The following TSPAN9 variants were observed in gnomAD, a reference collection of about 807,000 sequenced individuals.
TSPAN9 encodes tetraspanin-9.
In TSPAN9, 16 loss-of-function variants were observed where a neutral mutation model predicts 31.0. The observed-to-expected ratio is 0.52, with a 90% confidence interval of 0.35 to 0.78. TSPAN9 has a LOEUF of 0.78. Ranked by LOEUF, TSPAN9 falls within the 30% of genes least tolerant of loss-of-function variation. TSPAN9 has a pLI of 0.01. For missense variants in TSPAN9, 272 were observed against 312.5 expected (o/e 0.87, Z 0.98); for synonymous variants, 145 against 121.6 (o/e 1.19, Z -1.27).
intron 2 of TSPAN9, among the ~76,000 whole-genome samples, chr12:3,085,774 G>GCTTCCAGTCCTGGGCCTGC (rs1388787552): frequency 1.3e-5 from 2 of 152,198 alleles, no homozygotes; most frequent in Non-Finnish European, 2.9e-5. Flanking sequence ...CTGGGTTTTG[G>GCTTCCAGTCCTGGGCCTGC]CTTCCAGTCC....
intron 3 of TSPAN9, among the ~76,000 whole-genome samples, chr12:3,226,149 G>GGAGATGGGGT (rs1180349941): frequency 1.3e-5 from 2 of 152,062 alleles, no homozygotes; most frequent in African/African-American, 4.8e-5. Context: ...TGCAGAGGGA[G>GGAGATGGGGT]GAGATGGGGT....
intron 2 of TSPAN9, among the ~76,000 whole-genome samples, chr12:3,164,676 C>G (rs963763934): frequency 2.0e-5 from 3 of 152,198 alleles, no homozygotes; most frequent in African/African-American, 7.2e-5. Context: ...CTGCAAAACC[C>G]TCCTCCTTTG....
At chr12:3,245,157 G>A (rs1275497882) in intron 3 of TSPAN9, among the ~76,000 whole-genome samples, 5 of 152,226 alleles carry the variant, frequency 3.3e-5, no homozygotes, top group African/African-American at 1.2e-4. Flanking sequence ...GCAGCGCCTG[G>A]TTCTGGAACT....
intron 2 of TSPAN9, among the ~76,000 whole-genome samples, chr12:3,169,444 T>C (rs1477441429): frequency 1.3e-5 from 2 of 152,218 alleles, no homozygotes; most frequent in African/African-American, 4.8e-5. Flanking sequence ...AAAAGTCCTT[T>C]ATCCCCTAGA....
intron 3 of TSPAN9, among the ~76,000 whole-genome samples, chr12:3,214,384 C>A (rs142993324): frequency 1.2e-3 from 185 of 152,302 alleles, no homozygotes; most frequent in African/African-American, 4.2e-3. Context: ...GAACTCACTG[C>A]CTGGACAAAG....
chr12:3,191,607 C>T (rs1467089697), intron 2 of TSPAN9, among the ~76,000 whole-genome samples: 2 of 152,104 alleles, frequency 1.3e-5, no homozygotes, highest in Non-Finnish European at 2.9e-5. Flanking sequence ...CCTGGAAAGC[C>T]CCGGAAGCCC....
intron 3 of TSPAN9, among the ~76,000 whole-genome samples, chr12:3,254,264 G>A (rs954389941): frequency 1.3e-5 from 2 of 152,212 alleles, no homozygotes; most frequent in African/African-American, 4.8e-5. Flanking sequence ...CAGGACTCCA[G>A]CTTCTTTTCT....
intron 2 of TSPAN9, among the ~76,000 whole-genome samples, chr12:3,109,798 CAA>C (rs147799673): frequency 3.5e-4 from 32 of 91,882 alleles, no homozygotes; most frequent in Non-Finnish European, 2.6e-4. Flanking sequence ...AACTCTGTCT[CAA>C]AAAAAAAAAA....
intron 3 of TSPAN9, among the ~76,000 whole-genome samples, chr12:3,225,108 C>T (rs1463405447): frequency 6.6e-6 from 1 of 152,198 alleles, no homozygotes; most frequent in Non-Finnish European, 1.5e-5. Context: ...AAGAATCAAT[C>T]ATCCTCGCAC....
intron 2 of TSPAN9, among the ~76,000 whole-genome samples, chr12:3,130,741 G>A (rs996126942): frequency 2.6e-5 from 4 of 152,194 alleles, no homozygotes; most frequent in African/African-American, 9.7e-5. Context: ...GCTTAGCAGA[G>A]TGTCTGGCAC....
Position 3,209,398 on chromosome 12 carries a change from C to A in TSPAN9, c.63+8142C>A, listed in dbSNP as rs541064377. Among the ~76,000 whole-genome samples the A allele has an allele frequency of 2.0e-5, 3 of 152,220 alleles. No homozygotes were observed. In the South Asian group the frequency reaches 6.2e-4, roughly 32 times the overall value. On this transcript the variant is annotated intron_variant, in intron 3 of 8. Transcript: ENST00000011898. ...CTGGTGATGAACATTTGGGTTATTT[C>A]CTCCTTTTTCTAAACAACACTTCTG...
intron 3 of TSPAN9, among the ~76,000 whole-genome samples, chr12:3,223,695 C>T (rs777051112): frequency 2.6e-5 from 4 of 152,232 alleles, no homozygotes; most frequent in Non-Finnish European, 5.9e-5. Context: ...AAGGGGAACA[C>T]TCCTTATGGA....
At chr12:3,158,721 CAAAAAAAAA>C (rs765787475) in intron 2 of TSPAN9, among the ~76,000 whole-genome samples, 4 of 57,896 alleles carry the variant, frequency 6.9e-5, no homozygotes, top group African/African-American at 1.4e-4. Flanking sequence ...GACTCTGTCT[CAAAAAAAAA>C]AAAAAAAAAA....
intron 2 of TSPAN9, among the ~76,000 whole-genome samples, chr12:3,102,679 C>T (rs980796386): frequency 2.6e-5 from 4 of 152,102 alleles, no homozygotes; most frequent in Admixed American, 6.6e-5. Flanking sequence ...CCTCGTGATC[C>T]GACCGCCTCG....
intron 2 of TSPAN9, among the ~76,000 whole-genome samples, chr12:3,104,810 G>A (rs1191158160): frequency 1.3e-5 from 2 of 152,226 alleles, no homozygotes; most frequent in African/African-American, 2.4e-5. Flanking sequence ...AGAGCTAAAA[G>A]GTGGTGGAGC....
At chr12:3,162,611 A>G (rs569546664) in intron 2 of TSPAN9, among the ~76,000 whole-genome samples, 5 of 100,252 alleles carry the variant, frequency 5.0e-5, no homozygotes, top group Admixed American at 2.5e-4. Context: ...ACCAGAGGTG[A>G]TGAATGTTTA....
At position 3,285,474 on chromosome 12, in the gene TSPAN9, C is replaced by T. The variant is rs912997529; in HGVS notation, c.*2358C>T. 2.0e-5 allele frequency: 3 copies of T among 152,316 alleles called. No homozygotes were observed. The highest frequency in any genetic ancestry group is 2.9e-5 in the Non-Finnish European group (2 of 68,106). The allele number at this position is 152,316 out of a possible 1,614,324, so 9.4% of individuals were successfully genotyped here. On this transcript the variant is annotated 3_prime_UTR_variant, in exon 9 of 9. Transcript: ENST00000011898. ...CACCTCATCCGTCTGTTTGCAGAGCCTCATCTACAGGTCCCCACGCTGCCT... is the reference window on the plus strand; with the variant it reads ...CACCTCATCCGTCTGTTTGCAGAGCTTCATCTACAGGTCCCCACGCTGCCT...
rs1421771099 is a variant in TSPAN9, at chr12:3,203,858, TG to T, written c.63+2607del. On this transcript the variant is annotated intron_variant, in intron 3 of 8. Coordinates refer to ENST00000011898, the MANE Select transcript of TSPAN9 (RefSeq NM_006675.5). ...GTGCAGGAGGGTGTTGGCCAGGATGTGGGGGCTGTGGGTCACTGTGCTCCAC... is the reference window on the plus strand; with the variant it reads ...GTGCAGGAGGGTGTTGGCCAGGATGTGGGGCTGTGGGTCACTGTGCTCCAC... Among the ~76,000 whole-genome samples, 12 of 152,198 alleles carry T rather than the reference TG, an allele frequency of 7.9e-5. 1 individual carries two copies. The South Asian group carries it at 2.1e-3, about 26-fold the overall frequency.
chr12:3,237,814 A>G (rs1227197039), intron 3 of TSPAN9, among the ~76,000 whole-genome samples: 1 of 152,130 alleles, frequency 6.6e-6, no homozygotes, highest in African/African-American at 2.4e-5. Context: ...CCCTGAGTCC[A>G]CACAGCCAGC....
Sources: gnomAD v4.1 joint callset for allele counts (sites outside exome capture counted in the v4.1 genomes callset) on GRCh38, gnomAD v4.1.1 for gene constraint, MANE v1.5 for transcripts, NCBI Gene and HGNC (gene_info 2026-07-23, HGNC 2026-07-21) for gene names.